DENND4A: variants seen among roughly 807,000 people sequenced by gnomAD.
The protein encoded by DENND4A is C-myc promoter-binding protein.
Under a neutral mutation model 199.3 loss-of-function variants are expected in DENND4A, and 70 were observed. The ratio of observed to expected loss-of-function variants is 0.35; its 90% CI spans 0.29 to 0.43. The LOEUF (loss-of-function observed/expected upper bound fraction) is 0.43. DENND4A is among the 20% of genes least tolerant of loss of function. DENND4A has a pLI of 1.00. For synonymous variants in DENND4A, 686 were observed against 766.9 expected, an observed-to-expected ratio of 0.89 and a Z score of 1.74; for missense variants, 1,723 against 2,255.8, an observed-to-expected ratio of 0.76 and a Z score of 4.78.
intron 1 of DENND4A, among the ~76,000 whole-genome samples, chr15:65,777,757 T>G (rs776393216): frequency 7.9e-5 from 12 of 152,188 alleles, no homozygotes; most frequent in Non-Finnish European, 1.2e-4. Context: ...GCTGTTAGGC[T>G]GGGCACAGTG....
chr15:65,732,690 T>C, intron 8 of DENND4A, 62 bp downstream of exon 8: 1 of 958,624 alleles, frequency 1.0e-6, no homozygotes, highest in Non-Finnish European at 1.6e-6. Flanking sequence ...ATTCTTATGT[T>C]ACATTTTGAC....
At chr15:65,726,685 C>T (rs1046783396) in intron 11 of DENND4A, among the ~76,000 whole-genome samples, 2 of 152,058 alleles carry the variant, frequency 1.3e-5, no homozygotes, top group Non-Finnish European at 2.9e-5. Context: ...ATAATTAAAT[C>T]GAAAAGCTTT....
At chr15:65,708,883 A>T (rs1307268645) in intron 14 of DENND4A, among the ~76,000 whole-genome samples, 1 of 152,236 alleles carries the variant, frequency 6.6e-6, no homozygotes, top group Non-Finnish European at 1.5e-5. Context: ...TTCTTAAATT[A>T]GTCATAAATG....
At chr15:65,720,281 TTTG>T (rs1486338790) in intron 12 of DENND4A, among the ~76,000 whole-genome samples, 1 of 152,168 alleles carries the variant, frequency 6.6e-6, no homozygotes, top group Non-Finnish European at 1.5e-5. Flanking sequence ...AGGAAAAAAG[TTTG>T]TTATTACTTC....
At chr15:65,701,010 A>T (rs746939755) in intron 19 of DENND4A, 41 bp downstream of exon 19, 3 of 1,553,408 alleles carry the variant, frequency 1.9e-6, no homozygotes, top group Non-Finnish European at 2.6e-6. Context: ...GTAGCTAATC[A>T]ATTAATTTTG....
At chr15:65,762,576 C>A (rs2076879212) in intron 1 of DENND4A, among the ~76,000 whole-genome samples, 1 of 152,130 alleles carries the variant, frequency 6.6e-6, no homozygotes. Context: ...CTGCAGTGAG[C>A]CCTGATCACA....
chr15:65,660,398 A>ACGACACTTGGACTGG lies in DENND4A; in HGVS notation c.*1452_*1453insCCAGTCCAAGTGTCG. The ACGACACTTGGACTGG allele has an allele frequency of 7.1e-6, 8 of 1,134,170 alleles. No individual in the cohort carries two copies. Among genetic ancestry groups the ACGACACTTGGACTGG allele is most frequent in the Non-Finnish European group, 1.0e-5 (8 of 784,054 alleles). 70.3% of individuals were successfully genotyped at this position (1,134,170 alleles called of 1,614,324 possible). ...CAGGACTCCAAGATACCTCCAGTCC[A>ACGACACTTGGACTGG]AGTGTCGTGGACTCTACTGGCTTTA... is the stretch of plus-strand genomic sequence containing the variant. On this transcript the variant is annotated 3_prime_UTR_variant, in exon 33 of 33. Transcript: ENST00000443035.
At chr15:65,688,196 AT>A (rs1487639831) in intron 23 of DENND4A, among the ~76,000 whole-genome samples, 1 of 152,182 alleles carries the variant, frequency 6.6e-6, no homozygotes, top group Non-Finnish European at 1.5e-5. Context: ...ACATTGGATT[AT>A]ATTTCAGTTA....
chr15:65,762,751 AAGTATAC>A (rs1205967767), intron 1 of DENND4A, among the ~76,000 whole-genome samples: 1 of 152,200 alleles, frequency 6.6e-6, no homozygotes, highest in Non-Finnish European at 1.5e-5. Context: ...AGGTGATTTA[AAGTATAC>A]AGGAGGATGT....
intron 2 of DENND4A, among the ~76,000 whole-genome samples, chr15:65,756,699 A>T (rs1022401171): frequency 6.6e-6 from 1 of 152,228 alleles, no homozygotes; most frequent in Non-Finnish European, 1.5e-5. Flanking sequence ...GGCAATAGTG[A>T]AACCTACATT....
At chr15:65,733,212 T>C (rs1027334565) in intron 7 of DENND4A, among the ~76,000 whole-genome samples, 1 of 152,156 alleles carries the variant, frequency 6.6e-6, no homozygotes, top group Non-Finnish European at 1.5e-5. Flanking sequence ...CCAGAAAAAA[T>C]GAAACAGTTT....
At chr15:65,704,636 G>A (rs1404508130) in intron 15 of DENND4A, among the ~76,000 whole-genome samples, 1 of 152,182 alleles carries the variant, frequency 6.6e-6, no homozygotes, top group Non-Finnish European at 1.5e-5. Flanking sequence ...TGTCACGCAG[G>A]CTGGAGTGCA....
At chr15:65,732,687 T>A (rs1267680969) in intron 8 of DENND4A, 65 bp downstream of exon 8, 5 of 916,252 alleles carry the variant, frequency 5.5e-6, no homozygotes. Context: ...GTTATTCTTA[T>A]GTTACATTTT....
At chr15:65,776,347 T>C (rs1168361650) in intron 1 of DENND4A, among the ~76,000 whole-genome samples, 2 of 152,230 alleles carry the variant, frequency 1.3e-5, no homozygotes, top group Non-Finnish European at 2.9e-5. Flanking sequence ...CAATTCTGTA[T>C]GCAGAAGCTA....
At chr15:65,768,335 T>C (rs2077037622) in intron 1 of DENND4A, among the ~76,000 whole-genome samples, 1 of 151,296 alleles carries the variant, frequency 6.6e-6, no homozygotes, top group Non-Finnish European at 1.5e-5. Flanking sequence ...TCGTTTTGTT[T>C]TGTTCTTTTA....
intron 1 of DENND4A, among the ~76,000 whole-genome samples, chr15:65,774,873 T>C (rs926725549): frequency 3.4e-5 from 5 of 147,994 alleles, no homozygotes; most frequent in African/African-American, 1.2e-4. Flanking sequence ...GTTTACTTTT[T>C]TTTTTTTTTT....
At chr15:65,703,149 T>TAC in intron 15 of DENND4A, 141 bp from the exon 16 acceptor site, 1 of 704,244 alleles carries the variant, frequency 1.4e-6, no homozygotes, top group Non-Finnish European at 2.2e-6. Context: ...GGCTGTGATA[T>TAC]ACACTCAACA....
At chr15:65,693,942 T>C (rs960007788) in intron 22 of DENND4A, among the ~76,000 whole-genome samples, 2 of 152,120 alleles carry the variant, frequency 1.3e-5, no homozygotes, top group African/African-American at 4.8e-5. Flanking sequence ...GAATGAATAC[T>C]GTCTATTAGG....
intron 23 of DENND4A, among the ~76,000 whole-genome samples, chr15:65,688,157 T>C (rs1400002667): frequency 1.3e-5 from 2 of 152,236 alleles, no homozygotes; most frequent in African/African-American, 4.8e-5. Flanking sequence ...GTCATCTCCA[T>C]TCTGTTATTT....
Sources: gnomAD v4.1 joint callset for allele counts (sites outside exome capture counted in the v4.1 genomes callset) on GRCh38, gnomAD v4.1.1 for gene constraint, MANE v1.5 for transcripts, NCBI Gene and HGNC (gene_info 2026-07-23, HGNC 2026-07-21) for gene names.